Variants in TENM2 observed in about 807,000 individuals in gnomAD.
The protein encoded by TENM2 is teneurin-2.
In TENM2, 52 loss-of-function variants were observed where a neutral mutation model predicts 245.2. The ratio of observed to expected loss-of-function variants is 0.21; its 90% CI spans 0.17 to 0.27. The LOEUF (loss-of-function observed/expected upper bound fraction) is 0.27. TENM2 is among the 10% of genes least tolerant of loss of function. The pLI, the probability that TENM2 is intolerant of heterozygous loss-of-function variation, is 1.00. For synonymous variants in TENM2, 1,363 were observed against 1,438.9 expected (o/e 0.95, Z 1.19); for missense variants, 3,046 against 3,666.8 (o/e 0.83, Z 4.37).
intron 2 of TENM2, among the ~76,000 whole-genome samples, chr5:167,393,589 G>T (rs1761890753): frequency 6.6e-6 from 1 of 152,294 alleles, no homozygotes; most frequent in African/African-American, 2.4e-5. Flanking sequence ...CCAGAACAGA[G>T]AAATGAAGGT....
At chr5:167,372,974 A>C (rs1176108611) in intron 1 of TENM2, among the ~76,000 whole-genome samples, 4 of 152,240 alleles carry the variant, frequency 2.6e-5, no homozygotes, top group African/African-American at 9.6e-5. Context: ...TTCAGAGAGC[A>C]TGATAAACTG....
At chr5:167,029,396 GAGCCAAT>G in the TENM2 span, among the ~76,000 whole-genome samples, 1 of 152,138 alleles carries the variant, frequency 6.6e-6, no homozygotes, top group Non-Finnish European at 1.5e-5. Context: ...GGCCTCTAAT[GAGCCAAT>G]AGTTAAGGTG....
the TENM2 span, among the ~76,000 whole-genome samples, chr5:167,138,159 A>G: frequency 3.9e-5 from 6 of 152,376 alleles, no homozygotes; most frequent in Non-Finnish European, 7.3e-5. Flanking sequence ...AAAGAAAACA[A>G]TCAAACAAGT....
At chr5:167,930,861 T>C (rs553804007) in intron 3 of TENM2, among the ~76,000 whole-genome samples, 2 of 152,284 alleles carry the variant, frequency 1.3e-5, no homozygotes, top group East Asian at 3.9e-4. Flanking sequence ...AAAAGAGTTA[T>C]TATTTTTGCT....
the TENM2 span, among the ~76,000 whole-genome samples, chr5:167,034,975 A>G: frequency 5.2e-3 from 796 of 152,318 alleles, 5 homozygotes; most frequent in Non-Finnish European, 9.2e-3. Flanking sequence ...CTACACACAT[A>G]TAACAATGTT....
chr5:167,569,700 A>G (rs1318821781), intron 2 of TENM2, among the ~76,000 whole-genome samples: 1 of 152,198 alleles, frequency 6.6e-6, no homozygotes, highest in Non-Finnish European at 1.5e-5. Flanking sequence ...AAGCATTCCC[A>G]TTACTATGAA....
intron 2 of TENM2, among the ~76,000 whole-genome samples, chr5:167,471,678 A>G (rs1034679010): frequency 6.6e-6 from 1 of 152,216 alleles, no homozygotes; most frequent in Non-Finnish European, 1.5e-5. Context: ...ACTATATAAT[A>G]CGAATGTGTC....
the TENM2 span, among the ~76,000 whole-genome samples, chr5:167,199,021 A>G: frequency 3.4e-5 from 5 of 148,406 alleles, no homozygotes; most frequent in Non-Finnish European, 7.5e-5. Context: ...AAAAAGATGT[A>G]TGGTAAAACT....
At chr5:167,168,334 G>A in the TENM2 span, 2 of 152,210 alleles carry the variant, frequency 1.3e-5, no homozygotes, top group Admixed American at 6.5e-5. Flanking sequence ...ACTTGATCCA[G>A]TTTGCATTCA....
intron 4 of TENM2, among the ~76,000 whole-genome samples, chr5:167,958,763 T>A (rs1346750174): frequency 6.6e-6 from 1 of 152,200 alleles, no homozygotes; most frequent in Non-Finnish European, 1.5e-5. Context: ...GGATATGAAA[T>A]TCTGGGTTGA....
intron 2 of TENM2, among the ~76,000 whole-genome samples, chr5:167,807,517 T>C (rs544525834): frequency 6.6e-6 from 1 of 152,228 alleles, no homozygotes; most frequent in South Asian, 2.1e-4. Context: ...GGGAAGGCTA[T>C]GTAGCAAAAC....
the TENM2 span, among the ~76,000 whole-genome samples, chr5:167,163,710 T>C: frequency 3.3e-5 from 5 of 152,176 alleles, no homozygotes; most frequent in Non-Finnish European, 5.9e-5. Context: ...ACTACAACAT[T>C]ACAGGGAAGA....
At chr5:167,474,546 C>A (rs765804833) in intron 2 of TENM2, among the ~76,000 whole-genome samples, 33 of 150,906 alleles carry the variant, frequency 2.2e-4, no homozygotes, top group Non-Finnish European at 4.0e-4. Flanking sequence ...CGGAGTCTCA[C>A]TCTGTCGCCC....
At chr5:168,252,746 C>G (rs1767229728) in intron 27 of TENM2, among the ~76,000 whole-genome samples, 1 of 151,256 alleles carries the variant, frequency 6.6e-6, no homozygotes, top group Non-Finnish European at 1.5e-5. Flanking sequence ...ACTTGGGAGG[C>G]TGAGGCAAGA....
chr5:167,387,934 G>A (rs1448694166), intron 2 of TENM2, among the ~76,000 whole-genome samples: 1 of 152,006 alleles, frequency 6.6e-6, no homozygotes, highest in Non-Finnish European at 1.5e-5. Flanking sequence ...ATTTTGTTAA[G>A]GACTTTAATA....
chr5:167,327,890 G>C (rs1305689296), intron 1 of TENM2, among the ~76,000 whole-genome samples: 1 of 152,144 alleles, frequency 6.6e-6, no homozygotes, highest in African/African-American at 2.4e-5. Context: ...TCTGCAAAAC[G>C]AATTGACTCT....
chr5:167,354,804 C>T (rs968402079), intron 1 of TENM2, among the ~76,000 whole-genome samples: 1 of 152,110 alleles, frequency 6.6e-6, no homozygotes, highest in Non-Finnish European at 1.5e-5. Context: ...AACACACGAT[C>T]AATAAATATT....
At chr5:167,390,984 T>A (rs559684103) in intron 2 of TENM2, among the ~76,000 whole-genome samples, 2 of 152,132 alleles carry the variant, frequency 1.3e-5, no homozygotes. Context: ...CTGAGCTACT[T>A]ATTTTTTTTC....
chr5:167,820,906 AAT>A (rs1767473631), intron 2 of TENM2, among the ~76,000 whole-genome samples: 1 of 152,184 alleles, frequency 6.6e-6, no homozygotes, highest in Non-Finnish European at 1.5e-5. Flanking sequence ...GGAAGGAAAC[AAT>A]GTGTCTTCAC....
Sources: allele counts gnomAD v4.1 joint callset (sites outside exome capture counted in the v4.1 genomes callset), GRCh38; gene constraint gnomAD v4.1.1; transcripts MANE v1.5; gene names NCBI Gene and HGNC (gene_info 2026-07-23, HGNC 2026-07-21).